LAMA2: variants seen among roughly 807,000 people sequenced by gnomAD.
The protein encoded by LAMA2 is laminin subunit alpha 2.
In LAMA2, 269 loss-of-function variants were observed where a neutral mutation model predicts 364.8. The observed-to-expected ratio is 0.74, with a 90% CI of 0.67 to 0.82. The LOEUF (loss-of-function observed/expected upper bound fraction) is 0.82. LAMA2 is among the 40% of genes least tolerant of loss of function. LAMA2 has a pLI of 0.00. For missense variants in LAMA2, 3,807 were observed against 3,873.2 expected, an observed-to-expected ratio of 0.98 and a Z score of 0.45; for synonymous variants, 1,379 against 1,370.6, an observed-to-expected ratio of 1.01 and a Z score of -0.14.
At chr6:128,949,700 T>C (rs1780693299) in intron 1 of LAMA2, among the ~76,000 whole-genome samples, 1 of 152,190 alleles carries the variant, frequency 6.6e-6, no homozygotes, top group African/African-American at 2.4e-5. Context: ...CATTCAGTGA[T>C]TTAAAAATGG....
At chr6:129,393,629 C>T (rs1287041127) in intron 37 of LAMA2, among the ~76,000 whole-genome samples, 1 of 152,122 alleles carries the variant, frequency 6.6e-6, no homozygotes, top group Non-Finnish European at 1.5e-5. Context: ...AGCATCAGTT[C>T]CCCAAATCTA....
rs551127119 is a variant in LAMA2 at position 129,109,793 on chromosome 6, G to A, written c.639+11378G>A. On this transcript the variant is annotated intron_variant, in intron 4 of 64. Transcript: ENST00000421865. ...TAAAAATTATGTTTTTCTTTTATTTGGCTCAAGCTAATTCTTTCTGTTATT... is the reference window on the plus strand; with the variant it reads ...TAAAAATTATGTTTTTCTTTTATTTAGCTCAAGCTAATTCTTTCTGTTATT... Among the ~76,000 whole-genome samples the A allele has an allele frequency of 7.9e-5, 12 of 151,868 alleles. No individual in the cohort carries two copies. In the East Asian group the frequency reaches 2.3e-3, roughly 29 times the overall value.
intron 40 of LAMA2, among the ~76,000 whole-genome samples, chr6:129,418,657 T>A (rs1780921671): frequency 6.6e-6 from 1 of 152,078 alleles, no homozygotes; most frequent in South Asian, 2.1e-4. Flanking sequence ...CTAATTAAAT[T>A]GAGGGAAGAT....
At chr6:129,276,272 G>A (rs1788322755) in intron 17 of LAMA2, among the ~76,000 whole-genome samples, 1 of 152,032 alleles carries the variant, frequency 6.6e-6, no homozygotes, top group South Asian at 2.1e-4. Flanking sequence ...AAGGAGTCCT[G>A]ATCCCCTGTT....
chr6:129,258,693 A>T (rs1786881861), intron 14 of LAMA2, among the ~76,000 whole-genome samples: 1 of 151,842 alleles, frequency 6.6e-6, no homozygotes, highest in South Asian at 2.1e-4. Flanking sequence ...CCCAAATGTC[A>T]AAGTTCCTCT....
At chr6:129,088,518 G>A (rs968668622) in intron 3 of LAMA2, among the ~76,000 whole-genome samples, 5 of 148,072 alleles carry the variant, frequency 3.4e-5, no homozygotes, top group African/African-American at 1.2e-4. Flanking sequence ...GGCTGGCCAG[G>A]CGGGGGCTGC....
chr6:129,094,468 G>A (rs568294316), intron 3 of LAMA2, among the ~76,000 whole-genome samples: 71 of 152,216 alleles, frequency 4.7e-4, no homozygotes, highest in African/African-American at 7.5e-4. Flanking sequence ...ACTTCTCTTC[G>A]TGGATTATTT....
intron 1 of LAMA2, among the ~76,000 whole-genome samples, chr6:128,974,330 T>C (rs1452165821): frequency 1.3e-5 from 2 of 152,134 alleles, no homozygotes; most frequent in Non-Finnish European, 2.9e-5. Context: ...CCTGAAGACA[T>C]GCCTCCATGA....
intron 1 of LAMA2, among the ~76,000 whole-genome samples, chr6:128,909,415 T>G (rs1289226862): frequency 2.6e-5 from 4 of 151,724 alleles, no homozygotes; most frequent in Non-Finnish European, 5.9e-5. Flanking sequence ...TCTTTTGATC[T>G]TTGTTGGTTT....
intron 1 of LAMA2, among the ~76,000 whole-genome samples, chr6:129,048,608 C>A (rs12174601): frequency 1.4e-3 from 4 of 2,916 alleles, no homozygotes; most frequent in African/African-American, 1.5e-3. Context: ...CTTCCTTTCT[C>A]TCTCTCTCTC....
At chr6:129,152,687 C>G (rs1020459486) in intron 7 of LAMA2, among the ~76,000 whole-genome samples, 15 of 152,122 alleles carry the variant, frequency 9.9e-5, no homozygotes, top group Admixed American at 5.2e-4. Flanking sequence ...AAATAGGAAA[C>G]TTTTCTAACA....
rs1314243741 is a variant in LAMA2 at position 129,442,322 on chromosome 6, C to T, written c.6269-741C>T. The T allele has an allele frequency of 3.8e-6, 3 of 799,784 alleles. No homozygotes were observed. In the African/African-American group the frequency reaches 5.7e-5, roughly 15 times the overall value. The allele number at this position is 799,784 out of a possible 1,614,324, so 49.5% of individuals were successfully genotyped here. On this transcript the variant is annotated intron_variant, in intron 43 of 64. Transcript: ENST00000421865. Reference sequence around the variant, plus strand: ...ACACATATAACATAAACTTCAGAGCCAGGGTGAAAAAGGGGAGATAAAAAC... The same window carrying T: ...ACACATATAACATAAACTTCAGAGCTAGGGTGAAAAAGGGGAGATAAAAAC...
At chr6:129,114,563 G>A (rs899351) in intron 4 of LAMA2, among the ~76,000 whole-genome samples, 184 of 152,064 alleles carry the variant, frequency 1.2e-3, no homozygotes, top group Admixed American at 3.1e-3. Flanking sequence ...TAAATCCAGT[G>A]ATAAGAATGA....
At chr6:129,078,644 T>A (rs9492222) in intron 3 of LAMA2, among the ~76,000 whole-genome samples, 6 of 152,292 alleles carry the variant, frequency 3.9e-5, no homozygotes, top group East Asian at 1.9e-4. Context: ...GCTATTTTTT[T>A]AAAAAGTCAT....
intron 58 of LAMA2, 91 bp from the exon 59 acceptor site, chr6:129,502,568 C>A: frequency 1.2e-6 from 1 of 826,452 alleles, no homozygotes. Context: ...TAAAGAATTA[C>A]GCTAATATGT....
At position 128,905,846 on chromosome 6, in the gene LAMA2, C is replaced by A. The variant is rs546637914; in HGVS notation, c.112+22489C>A. Among the ~76,000 whole-genome samples the A allele has an allele frequency of 2.6e-5, 4 of 151,892 alleles. No individual in the cohort carries two copies. In the East Asian group the frequency reaches 7.8e-4, roughly 30 times the overall value. On this transcript the variant is annotated intron_variant, in intron 1 of 64. Transcript: ENST00000421865. ...TCCCCTTCCTGTGTCCATGTGATCT[C>A]ATTGTTCAATTCCCACCTATGATTG...
At chr6:129,298,486 G>A (rs1183136105) in intron 21 of LAMA2, among the ~76,000 whole-genome samples, 2 of 152,164 alleles carry the variant, frequency 1.3e-5, no homozygotes, top group African/African-American at 4.8e-5. Flanking sequence ...CATGAGCTAA[G>A]AAAATATCAC....
At chr6:129,253,129 T>C (rs1345241151) in intron 14 of LAMA2, among the ~76,000 whole-genome samples, 1 of 152,216 alleles carries the variant, frequency 6.6e-6, no homozygotes, top group Admixed American at 6.5e-5. Flanking sequence ...TTTTTATTTT[T>C]AAAACAATGA....
At chr6:129,040,600 G>T (rs1562179010) in intron 1 of LAMA2, among the ~76,000 whole-genome samples, 1 of 152,178 alleles carries the variant, frequency 6.6e-6, no homozygotes, top group Non-Finnish European at 1.5e-5. Context: ...CTGCACTCCA[G>T]CCTGGGCAAC....
Sources: allele counts gnomAD v4.1 joint callset (sites outside exome capture counted in the v4.1 genomes callset), GRCh38; gene constraint gnomAD v4.1.1; transcripts MANE v1.5; gene names NCBI Gene and HGNC (gene_info 2026-07-23, HGNC 2026-07-21).